Variants in USP54 observed in about 807,000 individuals in gnomAD.
USP54 encodes the protein ubiquitin specific peptidase 54.
USP54 carries 87 observed loss-of-function variants against 170.5 expected under a neutral mutation model. The observed-to-expected ratio is 0.51, with a 90% CI of 0.43 to 0.61. USP54 has a LOEUF of 0.61. Among genes scored for constraint, USP54 ranks in the 20% least tolerant of loss-of-function variants. The pLI is 0.00. For synonymous variants in USP54, 655 were observed against 742.8 expected (o/e 0.88, Z 1.92); for missense variants, 1,786 against 2,047.8 (o/e 0.87, Z 2.47).
At chr10:73,511,675 T>C (rs2060239833) in intron 20 of USP54, among the ~76,000 whole-genome samples, 1 of 151,574 alleles carries the variant, frequency 6.6e-6, no homozygotes, top group African/African-American at 2.4e-5. Flanking sequence ...ATAAATAAAT[T>C]TTAAAAAGTA....
At chr10:73,566,308 T>A (rs2073793467) in intron 4 of USP54, among the ~76,000 whole-genome samples, 1 of 152,212 alleles carries the variant, frequency 6.6e-6, no homozygotes, top group Admixed American at 6.5e-5. Context: ...GATGCTCTTA[T>A]AAACACATTG....
intron 1 of USP54, among the ~76,000 whole-genome samples, chr10:73,618,811 C>T (rs1211990454): frequency 1.3e-5 from 2 of 148,682 alleles, no homozygotes; most frequent in African/African-American, 5.2e-5. Flanking sequence ...ACTCAGGAGG[C>T]TGAGGCAGGA....
At chr10:73,597,856 G>A (rs1198488325) in intron 1 of USP54, among the ~76,000 whole-genome samples, 2 of 152,148 alleles carry the variant, frequency 1.3e-5, no homozygotes, top group South Asian at 2.1e-4. Flanking sequence ...AGGCCAAAGC[G>A]GGTGGATCAC....
intron 20 of USP54, among the ~76,000 whole-genome samples, chr10:73,511,327 T>C (rs2060169543): frequency 6.6e-6 from 1 of 152,106 alleles, no homozygotes; most frequent in Admixed American, 6.5e-5. Context: ...GTAAATTACA[T>C]ATCAATAAAG....
At chr10:73,532,577 T>G (rs1245801780) in intron 12 of USP54, among the ~76,000 whole-genome samples, 1 of 152,170 alleles carries the variant, frequency 6.6e-6, no homozygotes, top group Non-Finnish European at 1.5e-5. Context: ...TGGCTTGGCT[T>G]CTCTCTGGTT....
At chr10:73,521,720 C>T (rs1470200355) in intron 17 of USP54, among the ~76,000 whole-genome samples, 2 of 152,220 alleles carry the variant, frequency 1.3e-5, no homozygotes, top group Admixed American at 6.5e-5. Context: ...TATTTACTTT[C>T]ATCATGCTAT....
intron 1 of USP54, among the ~76,000 whole-genome samples, chr10:73,608,448 C>G (rs1040557110): frequency 6.6e-6 from 1 of 152,046 alleles, no homozygotes; most frequent in Admixed American, 6.6e-5. Flanking sequence ...AAACTTAAAT[C>G]AGCTCAAGGA....
At chr10:73,586,452 A>T (rs1399927377) in intron 1 of USP54, among the ~76,000 whole-genome samples, 1 of 152,150 alleles carries the variant, frequency 6.6e-6, no homozygotes. Context: ...CTCATGTTAC[A>T]GTTATTTGGG....
In USP54 at chr10:73,529,742, C is replaced by T. The variant is rs764514528; in HGVS notation, c.1998G>A (p.Glu666=). The change falls in exon 15 of 24, where the codon GAG becomes GAA. Residue 666 remains glutamate, a synonymous_variant. Transcript: ENST00000687698. ...QRMESGYESS[E]RNSSSPVSLD... is the part of the protein sequence containing the mutation. ...GGCTGACAGGGCTGCTGCTGTTCCT[C>T]TCACTGCTTTCATAGCCAGATTCCA... 4.3e-6 allele frequency: 7 copies of T among 1,613,914 alleles called. No homozygotes were observed. The African/African-American group carries it at 9.3e-5, about 22-fold the overall frequency.
At chr10:73,566,712 C>T (rs1043050959) in intron 4 of USP54, among the ~76,000 whole-genome samples, 2 of 151,582 alleles carry the variant, frequency 1.3e-5, no homozygotes, top group African/African-American at 4.8e-5. Flanking sequence ...GCCTGGGCGA[C>T]ACAGTGAGAC....
chr10:73,607,500 T>C (rs1360986552), intron 1 of USP54, among the ~76,000 whole-genome samples: 2 of 152,178 alleles, frequency 1.3e-5, no homozygotes, highest in East Asian at 3.9e-4. Flanking sequence ...AGGCTTATTA[T>C]TCAAAAGGGT....
At chr10:73,512,849 A>AT (rs1309923351) in intron 20 of USP54, among the ~76,000 whole-genome samples, 1 of 151,894 alleles carries the variant, frequency 6.6e-6, no homozygotes, top group Non-Finnish European at 1.5e-5. Context: ...ATGTATCAAT[A>AT]TTTTTTTTAA....
chr10:73,521,061 A>G, intron 17 of USP54, 34 bp from the exon 18 acceptor site: 1 of 1,611,046 alleles, frequency 6.2e-7, no homozygotes, highest in Non-Finnish European at 8.5e-7. Flanking sequence ...TTTCATTACA[A>G]TTCATTCCAA....
chr10:73,516,934 G>T lies in USP54; in HGVS notation c.3492C>A (p.Ser1164=). 1.2e-6 allele frequency: 2 copies of T among 1,614,170 alleles called. No individual in the cohort carries two copies. Among genetic ancestry groups the T allele is most frequent in the Non-Finnish European group, 1.7e-6 (2 of 1,180,040 alleles). The change falls in exon 20 of 24, where the codon TCC becomes TCA. Residue 1164 remains serine, a synonymous_variant. Transcript: ENST00000687698. ...SLSGSLRKNS[S]PSDSKPPFSQ... ...AGAAAGGAGGCTTAGAATCAGAAGG[G>T]GAAGAGTTCTTCCTTAGACTACCTG...
intron 1 of USP54, among the ~76,000 whole-genome samples, chr10:73,580,320 A>C (rs1235801683): frequency 1.1e-4 from 15 of 135,870 alleles, no homozygotes; most frequent in African/African-American, 3.1e-4. Flanking sequence ...CCCCATTTCA[A>C]AAAAAAAAAA....
chr10:73,505,245 C>T, intron 21 of USP54, 63 bp downstream of exon 21: 1 of 1,490,154 alleles, frequency 6.7e-7, no homozygotes, highest in Non-Finnish European at 9.2e-7. Flanking sequence ...TGTCACATCT[C>T]TCCATAATTC....
chr10:73,616,283 A>G (rs1345721955), intron 1 of USP54, among the ~76,000 whole-genome samples: 2 of 137,864 alleles, frequency 1.5e-5, no homozygotes, highest in African/African-American at 5.9e-5. Flanking sequence ...GGCTGCAGTG[A>G]GCCGAGATTG....
At position 73,530,820 on chromosome 10, in the gene USP54, C is replaced by T; in HGVS notation, c.1331G>A (p.Ser444Asn). ...GGATGTGTGTTTCTGATTACATTCA[C>T]TATCAGTCAGGTGTCCTGAAAAAAC... ...SSRDTGHLTDSECNQKHTSKK... is the reference protein window; with the variant it reads ...SSRDTGHLTDNECNQKHTSKK... The change falls in exon 13 of 24, where the codon AGT (serine) becomes AAT (asparagine). Residue 444 changes from serine (S) to asparagine (N), a missense_variant. By Grantham distance (46) the Ser-to-Asn change is conservative. Around this residue, in one of 3 missense-constraint regions of USP54, gnomAD observed 1,418 missense variants for 1,569.0 expected, o/e 0.90. Coordinates refer to ENST00000687698, the MANE Select transcript of USP54 (RefSeq NM_001391956.1). 3 of 1,613,972 alleles carry T rather than the reference C, an allele frequency of 1.9e-6. No homozygotes were observed. Among genetic ancestry groups the T allele is most frequent in the Non-Finnish European group, 2.5e-6 (3 of 1,179,922 alleles).
intron 20 of USP54, among the ~76,000 whole-genome samples, chr10:73,513,664 A>G (rs1366771081): frequency 6.6e-6 from 1 of 152,216 alleles, no homozygotes; most frequent in Non-Finnish European, 1.5e-5. Flanking sequence ...TTTTGCAAAA[A>G]CAAAACTATA....
Sources: gnomAD v4.1 joint callset for allele counts (sites outside exome capture counted in the v4.1 genomes callset) on GRCh38, gnomAD v4.1.1 for gene constraint, gnomAD v4.1.1 regional missense constraint, MANE v1.5 for transcripts, NCBI Gene and HGNC (gene_info 2026-07-23, HGNC 2026-07-21) for gene names.